Variants in ATRNL1 observed in about 807,000 individuals in gnomAD.
ATRNL1 encodes attractin-like protein 1.
In ATRNL1, 95 loss-of-function variants were observed where a neutral mutation model predicts 182.7. That is an observed-to-expected ratio of 0.52 (90% CI 0.44 to 0.62). ATRNL1 has a LOEUF of 0.62. Among genes scored for constraint, ATRNL1 ranks in the 20% least tolerant of loss-of-function variants. ATRNL1 has a pLI of 0.00. For missense variants in ATRNL1, 1,471 were observed against 1,679.5 expected (o/e 0.88, Z 2.17); for synonymous variants, 576 against 568.3 (o/e 1.01, Z -0.19).
intron 28 of ATRNL1, among the ~76,000 whole-genome samples, chr10:115,921,291 G>T (rs1555118697): frequency 2.7e-5 from 4 of 150,680 alleles, no homozygotes; most frequent in African/African-American, 9.7e-5. Flanking sequence ...ATTATAGATA[G>T]TCTAAAGGAT....
intron 19 of ATRNL1, among the ~76,000 whole-genome samples, chr10:115,367,130 A>C (rs1424984698): frequency 2.3e-5 from 2 of 86,518 alleles, no homozygotes; most frequent in African/African-American, 4.8e-5. Context: ...ACTTGGTTCC[A>C]TTCTCCCCAT....
At chr10:115,864,231 C>T (rs893970606) in intron 28 of ATRNL1, among the ~76,000 whole-genome samples, 44 of 150,992 alleles carry the variant, frequency 2.9e-4, no homozygotes, top group African/African-American at 9.0e-4. Context: ...TGCACTCCAG[C>T]CTCGGAGCCT....
At chr10:115,525,669 A>T (rs1851173609) in intron 25 of ATRNL1, among the ~76,000 whole-genome samples, 1 of 152,166 alleles carries the variant, frequency 6.6e-6, no homozygotes, top group South Asian at 2.1e-4. Flanking sequence ...AGCCAGGACA[A>T]CCCAGGCATT....
intron 26 of ATRNL1, among the ~76,000 whole-genome samples, chr10:115,614,313 G>A (rs1857320798): frequency 1.3e-5 from 2 of 151,892 alleles, no homozygotes; most frequent in South Asian, 2.1e-4. Flanking sequence ...TAATTTCAAT[G>A]TATTTGTACA....
intron 19 of ATRNL1, among the ~76,000 whole-genome samples, chr10:115,358,585 T>G (rs1359362764): frequency 6.6e-6 from 1 of 151,702 alleles, no homozygotes; most frequent in Admixed American, 6.6e-5. Flanking sequence ...GTTTTTCGAT[T>G]AATTCTAAGC....
intron 26 of ATRNL1, among the ~76,000 whole-genome samples, chr10:115,706,050 C>T (rs1555052968): frequency 6.6e-6 from 1 of 151,896 alleles, no homozygotes; most frequent in African/African-American, 2.4e-5. Context: ...AACACAATTA[C>T]TGTAAACTCA....
At chr10:115,838,230 T>C (rs1259574048) in intron 27 of ATRNL1, among the ~76,000 whole-genome samples, 3 of 152,176 alleles carry the variant, frequency 2.0e-5, no homozygotes, top group African/African-American at 7.2e-5. Context: ...TCAAACTCTA[T>C]TGTCAAAATT....
chr10:115,552,044 A>C (rs1446193205), intron 26 of ATRNL1, among the ~76,000 whole-genome samples: 5 of 151,428 alleles, frequency 3.3e-5, no homozygotes, highest in African/African-American at 9.7e-5. Flanking sequence ...GTATGTATGT[A>C]TAGGGAAAAA....
chr10:115,186,967 T>C (rs1847966431), intron 8 of ATRNL1, among the ~76,000 whole-genome samples: 1 of 151,972 alleles, frequency 6.6e-6, no homozygotes. Context: ...AATAAAAAAA[T>C]TTATAAAGCA....
At chr10:115,922,944 A>G (rs1589699921) in intron 28 of ATRNL1, among the ~76,000 whole-genome samples, 1 of 152,306 alleles carries the variant, frequency 6.6e-6, no homozygotes, top group Non-Finnish European at 1.5e-5. Context: ...TAGATGGCTT[A>G]TTCTCTTCCT....
chr10:115,122,001 A>G (rs1442108130), intron 3 of ATRNL1, among the ~76,000 whole-genome samples, 189 bp downstream of exon 3: 1 of 152,016 alleles, frequency 6.6e-6, no homozygotes. Context: ...TTGATATAAC[A>G]TAAATAAGTA....
intron 27 of ATRNL1, among the ~76,000 whole-genome samples, chr10:115,788,291 A>G (rs782592608): frequency 6.6e-6 from 1 of 152,174 alleles, no homozygotes; most frequent in Non-Finnish European, 1.5e-5. Context: ...AGATTTTTAA[A>G]TTGGGAGACT....
At chr10:115,492,777 G>A (rs2134662965) in intron 24 of ATRNL1, among the ~76,000 whole-genome samples, 1 of 150,812 alleles carries the variant, frequency 6.6e-6, no homozygotes, top group African/African-American at 2.4e-5. Context: ...CTGAGTATCT[G>A]GGACTACAGG....
At chr10:115,162,817 A>G (rs1846856470) in intron 6 of ATRNL1, among the ~76,000 whole-genome samples, 1 of 151,816 alleles carries the variant, frequency 6.6e-6, no homozygotes, top group Non-Finnish European at 1.5e-5. Context: ...CCTGGAGTAC[A>G]GTATCTTCAA....
At chr10:115,780,912 G>A (rs902496817) in intron 27 of ATRNL1, among the ~76,000 whole-genome samples, 4 of 152,178 alleles carry the variant, frequency 2.6e-5, no homozygotes, top group Non-Finnish European at 5.9e-5. Flanking sequence ...TACAGTGAGA[G>A]ACTTCTGCTT....
At chr10:115,371,344 C>A (rs556166845) in intron 19 of ATRNL1, among the ~76,000 whole-genome samples, 1 of 152,124 alleles carries the variant, frequency 6.6e-6, no homozygotes, top group African/African-American at 2.4e-5. Context: ...AGCTGGCACC[C>A]TGCATTTGGA....
At position 115,307,115 on chromosome 10, in the gene ATRNL1, A is replaced by G. The variant is rs191826181; in HGVS notation, c.2818+5072A>G. 3.3e-5 allele frequency among the ~76,000 whole-genome samples: 5 copies of G among 152,214 alleles called. No homozygotes were observed. The East Asian group carries it at 9.6e-4, about 29-fold the overall frequency. On this transcript the variant is annotated intron_variant, in intron 17 of 28. Transcript: ENST00000355044. ...CTTCTACCATTTGTTCCTTGAGCAG[A>G]TAGTCTAGTTTGCTATTTTTTCTCC...
chr10:115,205,214 CCTTA>C (rs1327281296), intron 8 of ATRNL1, among the ~76,000 whole-genome samples: 2 of 151,914 alleles, frequency 1.3e-5, no homozygotes, highest in African/African-American at 4.8e-5. Flanking sequence ...TGAATTGTGT[CCTTA>C]CTTTTACTAG....
chr10:115,690,658 T>G (rs1161676908), intron 26 of ATRNL1, among the ~76,000 whole-genome samples: 5 of 152,122 alleles, frequency 3.3e-5, no homozygotes, highest in African/African-American at 1.2e-4. Flanking sequence ...GAGATGTCAG[T>G]TGGGGCTCAT....
Sources: allele counts gnomAD v4.1 joint callset (sites outside exome capture counted in the v4.1 genomes callset), GRCh38; gene constraint gnomAD v4.1.1; transcripts MANE v1.5; gene names NCBI Gene and HGNC (gene_info 2026-07-23, HGNC 2026-07-21).